Variants in LRP8 observed in about 807,000 individuals in gnomAD.
LRP8 encodes LDL receptor related protein 8.
Under a neutral mutation model 111.6 loss-of-function variants are expected in LRP8, and 46 were observed. That is an observed-to-expected ratio of 0.41 (90% CI 0.33 to 0.53). The LOEUF (loss-of-function observed/expected upper bound fraction) is 0.53. LRP8 is among the 20% of genes least tolerant of loss of function. The probability of loss-of-function intolerance (pLI) is 0.20; values close to 1 mark genes in which losing one functional copy is unlikely to be tolerated. For missense variants in LRP8, 959 were observed against 1,297.4 expected (o/e 0.74, Z 4.01); for synonymous variants, 464 against 511.2 (o/e 0.91, Z 1.24).
intron 4 of LRP8, among the ~76,000 whole-genome samples, chr1:53,278,735 G>C (rs941407793): frequency 2.7e-5 from 4 of 149,940 alleles, no homozygotes; most frequent in African/African-American, 9.8e-5. Context: ...ACTGCTTTCT[G>C]GGAGTTCTGA....
At chr1:53,276,655 T>C (rs1646928146) in intron 5 of LRP8, 37 bp downstream of exon 5, 1 of 1,465,060 alleles carries the variant, frequency 6.8e-7, no homozygotes. Flanking sequence ...GGATCCGCAA[T>C]CCCTGGGCGG....
At chr1:53,261,503 C>T (rs1646338562) in intron 12 of LRP8, among the ~76,000 whole-genome samples, 1 of 152,170 alleles carries the variant, frequency 6.6e-6, no homozygotes, top group Admixed American at 6.5e-5. Context: ...AGGTGTGAGA[C>T]CTTGGTTGGT....
rs1039350593 is a variant in LRP8 at position 53,276,621 on chromosome 1, C to T, written c.883+71G>A. 2.9e-5 allele frequency: 37 copies of T among 1,287,238 alleles called. 1 individual carries two copies. Among genetic ancestry groups the T allele is most frequent in the Admixed American group, 5.3e-5 (2 of 37,590 alleles). 79.7% of individuals were successfully genotyped at this position (1,287,238 alleles called of 1,614,324 possible). A position where few individuals can be genotyped will look rare whatever the true frequency, so the allele number is the denominator to read the frequency against. ...GTAAGGCAATGAAAGGAAGCCTGCA[C>T]CTGGCGGATCCGGATCGGATAGCGG... On this transcript the variant is annotated intron_variant, in intron 5 of 18. Coordinates refer to ENST00000306052, the MANE Select transcript of LRP8 (RefSeq NM_004631.5).
Position 53,262,353 on chromosome 1 carries a change from G to A in LRP8, c.1774+93C>T. On this transcript the variant is annotated intron_variant, in intron 11 of 18. Transcript: ENST00000306052. This position sits in a 1 kb window ranked among gnomAD's most constrained non-coding sequence, Gnocchi z 4.8. Reference sequence around the variant, plus strand: ...TAGGAAACAAAGTCACTGGCACCATGAGAGGACCCAGAAACAAGACTCATG... The same window carrying A: ...TAGGAAACAAAGTCACTGGCACCATAAGAGGACCCAGAAACAAGACTCATG... The A allele has an allele frequency of 6.6e-7, 1 of 1,513,884 alleles. No individual in the cohort carries two copies. Among genetic ancestry groups the A allele is most frequent in the Non-Finnish European group, 9.1e-7 (1 of 1,095,738 alleles). The allele number at this position is 1,513,884 out of a possible 1,614,324, so 93.8% of individuals were successfully genotyped here.
chr1:53,294,294 G>C lies in LRP8; in HGVS notation c.245-4605C>G, dbSNP rs961334481. The stretch of plus-strand genomic sequence containing the variant: ...ACAGATGGGCTGCCACAAAGGACTA[G>C]GGGATTCTAGGGGCAGTGAGGAGGG... On this transcript the variant is annotated intron_variant, in intron 2 of 18. Coordinates refer to ENST00000306052, the MANE Select transcript of LRP8 (RefSeq NM_004631.5). The surrounding 1 kb of genome is among the most constrained non-coding windows in gnomAD (Gnocchi z 4.1). Among the ~76,000 whole-genome samples, 6 of 152,226 alleles carry C rather than the reference G, an allele frequency of 3.9e-5. No homozygotes were observed. The highest frequency in any genetic ancestry group is 7.2e-5 in the African/African-American group (3 of 41,458).
chr1:53,302,856 A>ATTTTTTTTTTT lies in LRP8; in HGVS notation c.245-13178_245-13168dup, dbSNP rs769628078. On this transcript the variant is annotated intron_variant, in intron 2 of 18. Coordinates refer to ENST00000306052, the MANE Select transcript of LRP8 (RefSeq NM_004631.5). ...AGGCGTGCACCACCACACCCAGCTA[A>ATTTTTTTTTTT]TTTTTTTTTTTTTTTGGATTTTTGT... 9.9e-4 allele frequency among the ~76,000 whole-genome samples: 125 copies of ATTTTTTTTTTT among 126,522 alleles called. 2 individuals carry two copies. Among genetic ancestry groups the ATTTTTTTTTTT allele is most frequent in the South Asian group, 5.5e-3 (21 of 3,830 alleles). The allele number at this position is 126,522 out of a possible 152,430, so 83.0% of individuals were successfully genotyped here.
intron 2 of LRP8, among the ~76,000 whole-genome samples, chr1:53,301,295 C>T (rs760158227): frequency 2.0e-5 from 3 of 152,164 alleles, no homozygotes; most frequent in East Asian, 1.9e-4. Context: ...GGGTCCTTAG[C>T]GGGTATGGAG....
chr1:53,273,322 T>C (rs1293295593), intron 6 of LRP8, among the ~76,000 whole-genome samples: 1 of 152,088 alleles, frequency 6.6e-6, no homozygotes, highest in Non-Finnish European at 1.5e-5. Flanking sequence ...CATGCACACA[T>C]ACCAGCTTAT....
intron 6 of LRP8, 115 bp from the exon 7 acceptor site, chr1:53,271,461 C>T: frequency 8.5e-7 from 1 of 1,183,388 alleles, no homozygotes. Flanking sequence ...CCCATAGAGG[C>T]AGGAGGGCTC....
At chr1:53,298,465 C>T (rs548536130) in intron 2 of LRP8, among the ~76,000 whole-genome samples, 2 of 152,308 alleles carry the variant, frequency 1.3e-5, no homozygotes, top group South Asian at 4.1e-4. Flanking sequence ...GAGCAGGCAG[C>T]ACGCTGAGAA....
chr1:53,252,059 AG>A (rs1450229542), intron 16 of LRP8, among the ~76,000 whole-genome samples: 2 of 151,154 alleles, frequency 1.3e-5, no homozygotes, highest in Non-Finnish European at 2.9e-5. Flanking sequence ...AAAAAAAAAA[AG>A]TAAATAAATA....
chr1:53,306,666 C>T (rs1443361251), intron 2 of LRP8, among the ~76,000 whole-genome samples: 1 of 152,202 alleles, frequency 6.6e-6, no homozygotes. Flanking sequence ...GAGGAGAGTG[C>T]TGGCACCAGG....
At chr1:53,260,348 A>T in intron 13 of LRP8, 116 bp downstream of exon 13, 1 of 888,466 alleles carries the variant, frequency 1.1e-6, no homozygotes, top group Non-Finnish European at 1.8e-6. Context: ...GATTGTTGTT[A>T]TTATTCCTGG....
chr1:53,313,568 C>T (rs1439257143), intron 2 of LRP8, among the ~76,000 whole-genome samples: 2 of 152,134 alleles, frequency 1.3e-5, no homozygotes, highest in Admixed American at 6.5e-5. Context: ...GAGACTCTGA[C>T]CCACCTAGGG....
Position 53,287,775 on chromosome 1 carries a change from T to C in LRP8, c.367+1792A>G, listed in dbSNP as rs371696174. Among the ~76,000 whole-genome samples the C allele has an allele frequency of 2.8e-4, 43 of 151,340 alleles. No homozygotes were observed. The East Asian group carries it at 7.0e-3, about 25-fold the overall frequency. On this transcript the variant is annotated intron_variant, in intron 3 of 18. Transcript: ENST00000306052. ...GAGGGCCCCTGCCCAGCCCAGGGGA[T>C]GGGAAGGCAGCAGGTGCTGGGATGG...
chr1:53,283,418 G>A (rs567922526), intron 3 of LRP8, among the ~76,000 whole-genome samples: 1 of 148,730 alleles, frequency 6.7e-6, no homozygotes, highest in Admixed American at 6.9e-5. Flanking sequence ...TGGCATACCC[G>A]GGCCACTTAC....
At chr1:53,283,420 G>A (rs1004951858) in intron 3 of LRP8, among the ~76,000 whole-genome samples, 5 of 146,980 alleles carry the variant, frequency 3.4e-5, no homozygotes, top group African/African-American at 1.3e-4. Context: ...GCATACCCGG[G>A]CCACTTACTT....
chr1:53,262,639 T>A lies in LRP8; in HGVS notation c.1656-75A>T. ...GGTGGTCTGAGTCACAAGAGCTCAA[T>A]AACCCATTGACTAGTTGTGGTTTAT... On this transcript the variant is annotated intron_variant, in intron 10 of 18. Coordinates refer to ENST00000306052, the MANE Select transcript of LRP8 (RefSeq NM_004631.5). The surrounding 1 kb of genome is among the most constrained non-coding windows in gnomAD (Gnocchi z 4.8). 2 of 1,113,426 alleles carry A rather than the reference T, an allele frequency of 1.8e-6. No homozygotes were observed. The highest frequency in any genetic ancestry group is 2.7e-6 in the Non-Finnish European group (2 of 729,956). 69.0% of individuals were successfully genotyped at this position (1,113,426 alleles called of 1,614,324 possible). A position where few individuals can be genotyped will look rare whatever the true frequency, so the allele number is the denominator to read the frequency against.
chr1:53,257,031 C>T (rs763094950), intron 15 of LRP8, among the ~76,000 whole-genome samples: 2 of 152,196 alleles, frequency 1.3e-5, no homozygotes, highest in African/African-American at 4.8e-5. Flanking sequence ...CACAGGGTCT[C>T]AGCTTCCTAC....
Sources: allele counts gnomAD v4.1 joint callset (sites outside exome capture counted in the v4.1 genomes callset), GRCh38; gene constraint gnomAD v4.1.1; non-coding constraint Gnocchi (gnomAD v3.1); transcripts MANE v1.5; gene names NCBI Gene and HGNC (gene_info 2026-07-23, HGNC 2026-07-21).